The following GALNT18 variants were observed in gnomAD, a reference collection of about 807,000 sequenced individuals.
The protein encoded by GALNT18 is polypeptide N-acetylgalactosaminyltransferase 18, also known as GalNAc-transferase 18.
In GALNT18, 44 loss-of-function variants were observed where a neutral mutation model predicts 69.5. That is an observed-to-expected ratio of 0.63 (90% CI 0.50 to 0.81). The LOEUF is 0.81. GALNT18 is among the 40% of genes least tolerant of loss of function. GALNT18 has a pLI of 0.00. For synonymous variants in GALNT18, 364 were observed against 318.2 expected, an observed-to-expected ratio of 1.14 and a Z score of -1.53; for missense variants, 715 against 810.0, an observed-to-expected ratio of 0.88 and a Z score of 1.42.
intron 10 of GALNT18, among the ~76,000 whole-genome samples, chr11:11,273,808 G>C (rs72859244): frequency 1.3e-5 from 2 of 152,142 alleles, no homozygotes; most frequent in Non-Finnish European, 2.9e-5. Flanking sequence ...TCCATCAATA[G>C]GTTAATGAAT....
chr11:11,392,404 G>A (rs561704201), intron 3 of GALNT18, among the ~76,000 whole-genome samples: 2 of 152,312 alleles, frequency 1.3e-5, no homozygotes, highest in East Asian at 1.9e-4. Flanking sequence ...CAGATCACCC[G>A]AGGTCGGGAG....
In GALNT18 at chr11:11,596,057, T is replaced by C. The variant is rs1859493640; in HGVS notation, c.235+25302A>G. Among the ~76,000 whole-genome samples, 1 of 152,204 alleles carries C rather than the reference T, an allele frequency of 6.6e-6. No individual in the cohort carries two copies. The highest frequency in any genetic ancestry group is 6.5e-5 in the Admixed American group (1 of 15,274). On this transcript the variant is annotated intron_variant, in intron 1 of 10. Transcript: ENST00000227756. This position sits in a 1 kb window ranked among gnomAD's most constrained non-coding sequence, Gnocchi z 4.2. Reference sequence around the variant, plus strand: ...TTCTATGATCCATTTTGAGTTAGTTTTTGTGGATAGAGTGAGATGGGGGAC... The same window carrying C: ...TTCTATGATCCATTTTGAGTTAGTTCTTGTGGATAGAGTGAGATGGGGGAC...
intron 1 of GALNT18, among the ~76,000 whole-genome samples, chr11:11,472,273 C>T (rs1856290429): frequency 6.6e-6 from 1 of 152,162 alleles, no homozygotes; most frequent in Admixed American, 6.5e-5. Context: ...TATCAGGTTC[C>T]CTTGCTCAGG....
intron 1 of GALNT18, among the ~76,000 whole-genome samples, chr11:11,570,423 C>T (rs554006092): frequency 3.9e-5 from 6 of 152,232 alleles, no homozygotes; most frequent in African/African-American, 1.2e-4. Context: ...CCTCTGCGCA[C>T]GACCCAAGCC....
Position 11,356,994 on chromosome 11 carries a change from C to A in GALNT18, c.1092+15521G>T, listed in dbSNP as rs12291742. Among the ~76,000 whole-genome samples the A allele has an allele frequency of 3.7e-3, 568 of 152,240 alleles. 1 individual carries two copies. Among genetic ancestry groups the A allele is most frequent in the Non-Finnish European group, 6.4e-3 (435 of 68,008 alleles). On this transcript the variant is annotated intron_variant, in intron 6 of 10. Transcript: ENST00000227756. This position sits in a 1 kb window ranked among gnomAD's most constrained non-coding sequence, Gnocchi z 4.4. ...CTGGCTGGTGTGCTAGGGGATAACA[C>A]GCAATAGCCACGGAGCTTCCTGCTC...
In GALNT18 at chr11:11,543,088, G is replaced by C. The variant is rs540309875; in HGVS notation, c.235+78271C>G. ...GTATTTGGGAAGGATCTGGTGCATGGAAAGTGCTTGGTCAGTGTTAGTTAC... is the reference window on the plus strand; with the variant it reads ...GTATTTGGGAAGGATCTGGTGCATGCAAAGTGCTTGGTCAGTGTTAGTTAC... On this transcript the variant is annotated intron_variant, in intron 1 of 10. Coordinates refer to ENST00000227756, the MANE Select transcript of GALNT18 (RefSeq NM_198516.3). This position sits in a 1 kb window ranked among gnomAD's most constrained non-coding sequence, Gnocchi z 5.1. 5.2e-4 allele frequency among the ~76,000 whole-genome samples: 79 copies of C among 152,336 alleles called. No individual in the cohort carries two copies. Among genetic ancestry groups the C allele is most frequent in the Admixed American group, 1.6e-3 (24 of 15,310 alleles).
At chr11:11,460,650 G>A (rs541469416) in intron 1 of GALNT18, among the ~76,000 whole-genome samples, 1 of 151,700 alleles carries the variant, frequency 6.6e-6, no homozygotes, top group South Asian at 2.1e-4. Context: ...AGCAGGGACT[G>A]AGGCAGTCGC....
At position 11,480,777 on chromosome 11, in the gene GALNT18, G is replaced by A. The variant is rs570604667; in HGVS notation, c.236-31841C>T. Among the ~76,000 whole-genome samples, 7 of 152,162 alleles carry A rather than the reference G, an allele frequency of 4.6e-5. No homozygotes were observed. Among genetic ancestry groups the A allele is most frequent in the African/African-American group, 1.4e-4 (6 of 41,446 alleles). On this transcript the variant is annotated intron_variant, in intron 1 of 10. Transcript: ENST00000227756. The surrounding 1 kb of genome is among the most constrained non-coding windows in gnomAD (Gnocchi z 4.6). ...GCGTGCTCTACAGAACCCTAGTTCC[G>A]TGCAGAGTTATTAAGTGCTATGTGA...
chr11:11,378,271 G>T (rs754923428), intron 4 of GALNT18, among the ~76,000 whole-genome samples: 58 of 152,222 alleles, frequency 3.8e-4, no homozygotes, highest in Non-Finnish European at 6.5e-4. Context: ...GGGGGCACAG[G>T]TTGGCACTGT....
At chr11:11,412,492 G>A (rs1854754022) in intron 3 of GALNT18, among the ~76,000 whole-genome samples, 1 of 152,186 alleles carries the variant, frequency 6.6e-6, no homozygotes. Flanking sequence ...ACTCTGCACA[G>A]TCACAAAACT....
chr11:11,452,338 G>GCCTT (rs968810994), intron 1 of GALNT18, among the ~76,000 whole-genome samples: 1 of 152,224 alleles, frequency 6.6e-6, no homozygotes, highest in African/African-American at 2.4e-5. Context: ...TAACAATAGT[G>GCCTT]CCTTCTTCAT....
At chr11:11,521,320 A>G (rs1857394282) in intron 1 of GALNT18, among the ~76,000 whole-genome samples, 2 of 152,174 alleles carry the variant, frequency 1.3e-5, no homozygotes, top group South Asian at 4.1e-4. Flanking sequence ...AAAACCTTGG[A>G]AAGTCTGTCG....
At chr11:11,453,735 C>T (rs545035268) in intron 1 of GALNT18, among the ~76,000 whole-genome samples, 1 of 152,204 alleles carries the variant, frequency 6.6e-6, no homozygotes, top group Non-Finnish European at 1.5e-5. Flanking sequence ...CCTGCACACG[C>T]TCTCTTCCCT....
chr11:11,300,446 G>A (rs1318732433), intron 9 of GALNT18, among the ~76,000 whole-genome samples: 1 of 152,202 alleles, frequency 6.6e-6, no homozygotes, highest in Non-Finnish European at 1.5e-5. Context: ...ACATTGGAAA[G>A]GGATGAACCA....
intron 1 of GALNT18, among the ~76,000 whole-genome samples, chr11:11,490,001 C>T (rs1009650750): frequency 1.2e-4 from 19 of 152,236 alleles, no homozygotes; most frequent in African/African-American, 3.6e-4. Context: ...AAAAAGCCTG[C>T]GTTGGAAACT....
In GALNT18 at chr11:11,341,090, G is replaced by A. The variant is rs544802323; in HGVS notation, c.1093-86C>T. 2.2e-6 allele frequency: 3 copies of A among 1,336,150 alleles called. No homozygotes were observed. The highest frequency in any genetic ancestry group is 2.2e-5 in the Admixed American group (1 of 44,952). The allele number at this position is 1,336,150 out of a possible 1,614,324, so 82.8% of individuals were successfully genotyped here. ...CTCAGGCAGCCACTTGACATGAGCA[G>A]GAAGAAAGTCAGCCCCTTCACCTTG... On this transcript the variant is annotated intron_variant, in intron 6 of 10. Transcript: ENST00000227756. The surrounding 1 kb of genome is among the most constrained non-coding windows in gnomAD (Gnocchi z 6.3).
chr11:11,582,528 C>A lies in GALNT18; in HGVS notation c.235+38831G>T, dbSNP rs996193185. 1.1e-4 allele frequency among the ~76,000 whole-genome samples: 16 copies of A among 152,238 alleles called. No individual in the cohort carries two copies. Among genetic ancestry groups the A allele is most frequent in the Non-Finnish European group, 2.1e-4 (14 of 68,042 alleles). ...CAATTTGAGAAGAAGCTTTAAGAGCCATTATGACTTACAGCTATTGTTCTC... is the reference window on the plus strand; with the variant it reads ...CAATTTGAGAAGAAGCTTTAAGAGCAATTATGACTTACAGCTATTGTTCTC... On this transcript the variant is annotated intron_variant, in intron 1 of 10. Transcript: ENST00000227756. The surrounding 1 kb of genome is among the most constrained non-coding windows in gnomAD (Gnocchi z 5.0).
At position 11,459,310 on chromosome 11, in the gene GALNT18, A is replaced by T. The variant is rs2133835991; in HGVS notation, c.236-10374T>A. ...AGAACGAAGTGGAATCTGACAGCAA[A>T]GAGCTTGGAACCAATCAGGAGGAAG... On this transcript the variant is annotated intron_variant, in intron 1 of 10. Coordinates refer to ENST00000227756, the MANE Select transcript of GALNT18 (RefSeq NM_198516.3). This position sits in a 1 kb window ranked among gnomAD's most constrained non-coding sequence, Gnocchi z 5.0. Among the ~76,000 whole-genome samples the T allele has an allele frequency of 6.6e-6, 1 of 152,304 alleles. No individual in the cohort carries two copies. The highest frequency in any genetic ancestry group is 1.9e-4 in the East Asian group (1 of 5,180).
chr11:11,517,546 C>T (rs567603342), intron 1 of GALNT18, among the ~76,000 whole-genome samples: 1 of 152,334 alleles, frequency 6.6e-6, no homozygotes, highest in South Asian at 2.1e-4. Flanking sequence ...TAGTTATCCC[C>T]AGAAAACTAA....
Sources: allele counts gnomAD v4.1 joint callset (sites outside exome capture counted in the v4.1 genomes callset), GRCh38; gene constraint gnomAD v4.1.1; non-coding constraint Gnocchi (gnomAD v3.1); transcripts MANE v1.5; gene names NCBI Gene and HGNC (gene_info 2026-07-23, HGNC 2026-07-21).